The following VTCN1 variants were observed in gnomAD, a reference collection of about 807,000 sequenced individuals.
VTCN1 encodes V-set domain containing T cell activation inhibitor 1.
A neutral mutation model predicts 26.5 loss-of-function variants in VTCN1; 26 were observed. The observed-to-expected ratio is 0.98, with a 90% CI of 0.72 to 1.36. VTCN1 has a LOEUF of 1.36. Among genes scored for constraint, VTCN1 ranks in the 40% most tolerant of loss-of-function variants. The pLI, the probability that VTCN1 is intolerant of heterozygous loss-of-function variation, is 0.00. For synonymous variants in VTCN1, 116 were observed against 130.7 expected (o/e 0.89, Z 0.77); for missense variants, 298 against 337.7 (o/e 0.88, Z 0.92).
chr1:117,208,127 G>A (rs936938892), intron 1 of VTCN1, among the ~76,000 whole-genome samples: 3 of 152,142 alleles, frequency 2.0e-5, no homozygotes, highest in South Asian at 2.1e-4. Flanking sequence ...TGAGTCTATC[G>A]AAGGCCCAGT....
chr1:117,178,750 C>A (rs549073156), intron 1 of VTCN1, among the ~76,000 whole-genome samples: 1 of 151,978 alleles, frequency 6.6e-6, no homozygotes. Flanking sequence ...TGTGCCACGA[C>A]GCTCAGCTAA....
chr1:117,170,039 C>A (rs370245020), intron 2 of VTCN1, 68 bp downstream of exon 2: 33 of 1,434,364 alleles, frequency 2.3e-5, no homozygotes, highest in Non-Finnish European at 3.1e-5. Context: ...TCCATGCTAA[C>A]GCACTGAGTG....
In VTCN1 at chr1:117,183,120, T is replaced by C. The variant is rs116654480; in HGVS notation, c.33-12949A>G. ...GAATAAAAATATAAGCTCAAGAAGA[T>C]TTTATATAAACCTGTGACTACTTTC... On this transcript the variant is annotated intron_variant, in intron 1 of 5. Transcript: ENST00000369458. This position sits in a 1 kb window ranked among gnomAD's most constrained non-coding sequence, Gnocchi z 4.1. 7.7e-3 allele frequency among the ~76,000 whole-genome samples: 1,178 copies of C among 152,256 alleles called. 7 individuals carry two copies. The highest frequency in any genetic ancestry group is 0.015 in the South Asian group (70 of 4,826).
chr1:117,198,446 G>A (rs561842146), intron 1 of VTCN1, among the ~76,000 whole-genome samples: 9 of 152,286 alleles, frequency 5.9e-5, no homozygotes, highest in African/African-American at 9.6e-5. Flanking sequence ...AGTCCTGGCC[G>A]GCCATTGTTT....
In VTCN1 at chr1:117,193,148, A is replaced by G. The variant is rs368835015; in HGVS notation, c.32+17676T>C. Among the ~76,000 whole-genome samples the G allele has an allele frequency of 3.3e-5, 5 of 152,294 alleles. 1 individual carries two copies. The highest frequency in any genetic ancestry group is 2.9e-5 in the Non-Finnish European group (2 of 67,994). On this transcript the variant is annotated intron_variant, in intron 1 of 5. Transcript: ENST00000369458. ...ATATGCAAATACTACACCATTTTAT[A>G]TAAGGAACTTGAGCATCTGTGGATT... is the stretch of plus-strand genomic sequence containing the variant.
intron 2 of VTCN1, among the ~76,000 whole-genome samples, chr1:117,166,812 C>A (rs773392163): frequency 2.0e-5 from 3 of 151,816 alleles, no homozygotes; most frequent in Admixed American, 1.3e-4. Context: ...ATATGTAAAT[C>A]AGAGAGCAGT....
intron 1 of VTCN1, among the ~76,000 whole-genome samples, chr1:117,178,040 G>A (rs2101545735): frequency 6.7e-6 from 1 of 150,026 alleles, no homozygotes. Context: ...CCACACTCAA[G>A]CAATCCTTCC....
At position 117,155,486 on chromosome 1, in the gene VTCN1, T is replaced by C; in HGVS notation, c.445+1088A>G. 6.6e-6 allele frequency among the ~76,000 whole-genome samples: 1 copy of C among 152,372 alleles called. No homozygotes were observed. Among genetic ancestry groups the C allele is most frequent in the Non-Finnish European group, 1.5e-5 (1 of 68,034 alleles). On this transcript the variant is annotated intron_variant, in intron 3 of 5. Coordinates refer to ENST00000369458, the MANE Select transcript of VTCN1 (RefSeq NM_024626.4). The surrounding 1 kb of genome is among the most constrained non-coding windows in gnomAD (Gnocchi z 4.8). Reference sequence around the variant, plus strand: ...ATAAGTATGAAGTCATATGTATTTATTCTATACCTTTGAGTTATAATTCAA... The same window carrying C: ...ATAAGTATGAAGTCATATGTATTTACTCTATACCTTTGAGTTATAATTCAA...
chr1:117,204,636 G>A (rs1282437139), intron 1 of VTCN1, among the ~76,000 whole-genome samples: 2 of 152,096 alleles, frequency 1.3e-5, no homozygotes, highest in Non-Finnish European at 2.9e-5. Flanking sequence ...GGAGGCCGAG[G>A]TGGGTGGATC....
chr1:117,151,449 T>C (rs956874209), intron 4 of VTCN1, among the ~76,000 whole-genome samples: 1 of 152,154 alleles, frequency 6.6e-6, no homozygotes, highest in Non-Finnish European at 1.5e-5. Flanking sequence ...ACCCTGCACA[T>C]CACAGACAGC....
chr1:117,165,137 G>T (rs1017180468), intron 2 of VTCN1, among the ~76,000 whole-genome samples: 1 of 152,238 alleles, frequency 6.6e-6, no homozygotes, highest in African/African-American at 2.4e-5. Context: ...TTGGTATGGG[G>T]TGATGGGTAG....
chr1:117,196,272 G>A (rs1347638880), intron 1 of VTCN1, among the ~76,000 whole-genome samples: 1 of 152,018 alleles, frequency 6.6e-6, no homozygotes, highest in Admixed American at 6.6e-5. Context: ...GCAATACTAT[G>A]CATTTGTTAA....
chr1:117,170,362 C>G, intron 1 of VTCN1, 191 bp from the exon 2 acceptor site: 1 of 688,208 alleles, frequency 1.5e-6, no homozygotes, highest in Non-Finnish European at 2.7e-6. Context: ...CCCCATCCCC[C>G]TGGGGCTCTG....
At chr1:117,178,588 G>GTTTTTTTTTTTTTTTTTTTTTTTT (rs10657719) in intron 1 of VTCN1, among the ~76,000 whole-genome samples, 12 of 88,258 alleles carry the variant, frequency 1.4e-4, no homozygotes, top group Admixed American at 1.7e-4. Flanking sequence ...TCTTTCTTTC[G>GTTTTTTTTTTTTTTTTTTTTTTTT]TTTTTTTTTT....
intron 1 of VTCN1, chr1:117,173,122 G>C (rs1557868341): frequency 1.4e-6 from 1 of 712,218 alleles, no homozygotes; most frequent in Non-Finnish European, 2.6e-6. Flanking sequence ...AACCCACAGG[G>C]AGGAGCAAAC....
rs1651901090 is a variant in VTCN1, at chr1:117,153,347, A to T, written c.468T>A (p.Asn156Lys). Reference protein sequence around the residue: ...KTGAFSMPEVNVDYNASSETL... With the variant: ...KTGAFSMPEVKVDYNASSETL... Reference sequence around the variant, plus strand: ...TCTCTGAGCTGGCATTATAGTCCACATTCACTTCCGGCATGCTGAAGGCTG... The same window carrying T: ...TCTCTGAGCTGGCATTATAGTCCACTTTCACTTCCGGCATGCTGAAGGCTG... Residue 156 changes from asparagine (N) to lysine (K), a missense_variant, in exon 4 of 6, where the codon AAT becomes AAA. Coordinates refer to ENST00000369458, the MANE Select transcript of VTCN1 (RefSeq NM_024626.4). 3 of 1,610,096 alleles carry T rather than the reference A, an allele frequency of 1.9e-6. No homozygotes were observed. The highest frequency in any genetic ancestry group is 1.7e-6 in the Non-Finnish European group (2 of 1,176,724).
At position 117,189,698 on chromosome 1, in the gene VTCN1, A is replaced by T. The variant is rs191351982; in HGVS notation, c.33-19527T>A. ...TAGTTATCGATAGCTAGGTAAATGA[A>T]TGTATTAGTTACCTTACTGGAAGTA... On this transcript the variant is annotated intron_variant, in intron 1 of 5. Coordinates refer to ENST00000369458, the MANE Select transcript of VTCN1 (RefSeq NM_024626.4). Among the ~76,000 whole-genome samples the T allele has an allele frequency of 3.3e-5, 5 of 152,358 alleles. No homozygotes were observed. The East Asian group carries it at 7.7e-4, about 23-fold the overall frequency.
Position 117,169,389 on chromosome 1 carries a change from A to C in VTCN1, c.97+718T>G, listed in dbSNP as rs987872601. Among the ~76,000 whole-genome samples, 4 of 152,210 alleles carry C rather than the reference A, an allele frequency of 2.6e-5. No individual in the cohort carries two copies. The highest frequency in any genetic ancestry group is 5.9e-5 in the Non-Finnish European group (4 of 68,042). On this transcript the variant is annotated intron_variant, in intron 2 of 5. Transcript: ENST00000369458. The surrounding 1 kb of genome is among the most constrained non-coding windows in gnomAD (Gnocchi z 4.0). ...TTACCTAAGACCCCTGTGTACAAAG[A>C]CTTGATATTCTTTAACACTTCAGCT...
Position 117,155,029 on chromosome 1 carries a change from T to G in VTCN1, c.445+1545A>C, listed in dbSNP as rs1023324477. Among the ~76,000 whole-genome samples, 4 of 152,170 alleles carry G rather than the reference T, an allele frequency of 2.6e-5. No homozygotes were observed. Among genetic ancestry groups the G allele is most frequent in the African/African-American group, 9.7e-5 (4 of 41,432 alleles). ...CTGTATATTCCATGACGTTGACAGT[T>G]TTGAGGAGTACTGGTTAGGTATTTT... On this transcript the variant is annotated intron_variant, in intron 3 of 5. Coordinates refer to ENST00000369458, the MANE Select transcript of VTCN1 (RefSeq NM_024626.4). This position sits in a 1 kb window ranked among gnomAD's most constrained non-coding sequence, Gnocchi z 4.8.
Sources: allele counts gnomAD v4.1 joint callset (sites outside exome capture counted in the v4.1 genomes callset), GRCh38; gene constraint gnomAD v4.1.1; non-coding constraint Gnocchi (gnomAD v3.1); transcripts MANE v1.5; gene names NCBI Gene and HGNC (gene_info 2026-07-23, HGNC 2026-07-21).